RBM20: variants seen among roughly 807,000 people sequenced by gnomAD.
RBM20 encodes RNA-binding protein 20.
RBM20 carries 51 observed loss-of-function variants against 110.1 expected under a neutral mutation model. The ratio of observed to expected loss-of-function variants is 0.46; its 90% confidence interval spans 0.37 to 0.59. The LOEUF is 0.59. Among genes scored for constraint, RBM20 ranks in the 20% least tolerant of loss-of-function variants. The pLI is 0.00. For missense variants in RBM20, 1,512 were observed against 1,574.9 expected (o/e 0.96, Z 0.68); for synonymous variants, 589 against 618.2 (o/e 0.95, Z 0.70).
chr10:110,775,283 A>G (rs1415039401), intron 1 of RBM20, among the ~76,000 whole-genome samples: 1 of 152,138 alleles, frequency 6.6e-6, no homozygotes, highest in Non-Finnish European at 1.5e-5. Context: ...CGCATTCACC[A>G]CTCAGCCAGT....
At chr10:110,746,970 T>C (rs1264772856) in intron 1 of RBM20, among the ~76,000 whole-genome samples, 7 of 152,234 alleles carry the variant, frequency 4.6e-5, no homozygotes, top group African/African-American at 1.7e-4. Flanking sequence ...TGCACCATTA[T>C]AGTTGTTTGT....
chr10:110,669,261 C>G (rs1015596316), intron 1 of RBM20, among the ~76,000 whole-genome samples: 1 of 152,146 alleles, frequency 6.6e-6, no homozygotes, highest in Non-Finnish European at 1.5e-5. Context: ...GAGAGGGAAG[C>G]ACTGGGAAGG....
intron 1 of RBM20, among the ~76,000 whole-genome samples, chr10:110,646,211 G>A (rs1861865543): frequency 6.6e-6 from 1 of 152,176 alleles, no homozygotes; most frequent in Non-Finnish European, 1.5e-5. Context: ...TTACTTTTAA[G>A]TAGAAGAAAA....
At chr10:110,672,262 G>C (rs1164124596) in intron 1 of RBM20, among the ~76,000 whole-genome samples, 4 of 152,204 alleles carry the variant, frequency 2.6e-5, no homozygotes, top group Non-Finnish European at 5.9e-5. Flanking sequence ...CCTGGTGGCC[G>C]GAGAGGTCGC....
intron 1 of RBM20, among the ~76,000 whole-genome samples, chr10:110,691,175 G>A (rs1862581014): frequency 6.6e-6 from 1 of 152,188 alleles, no homozygotes; most frequent in Admixed American, 6.5e-5. Flanking sequence ...CAAGTTAGAA[G>A]GAGTGCTTTC....
chr10:110,706,950 A>G (rs1326898095), intron 1 of RBM20, among the ~76,000 whole-genome samples: 3 of 152,198 alleles, frequency 2.0e-5, no homozygotes, highest in Non-Finnish European at 2.9e-5. Flanking sequence ...ATTCTTATGC[A>G]TGACATAGCT....
At chr10:110,658,552 C>T (rs1564807666) in intron 1 of RBM20, among the ~76,000 whole-genome samples, 1 of 152,098 alleles carries the variant, frequency 6.6e-6, no homozygotes, top group Non-Finnish European at 1.5e-5. Context: ...TTTGAATTTC[C>T]TCCTCCTTGT....
intron 1 of RBM20, among the ~76,000 whole-genome samples, chr10:110,726,322 C>T (rs1352394160): frequency 2.0e-5 from 3 of 152,180 alleles, no homozygotes; most frequent in African/African-American, 7.2e-5. Context: ...ATATTTTCTC[C>T]GTACTAGAGC....
At chr10:110,726,277 A>T (rs370459211) in intron 1 of RBM20, among the ~76,000 whole-genome samples, 1 of 152,118 alleles carries the variant, frequency 6.6e-6, no homozygotes, top group Admixed American at 6.5e-5. Flanking sequence ...TGGAGATGGT[A>T]AGGTCATGAT....
intron 1 of RBM20, among the ~76,000 whole-genome samples, chr10:110,650,230 T>C (rs1861926838): frequency 1.3e-5 from 2 of 152,194 alleles, no homozygotes; most frequent in Admixed American, 6.5e-5. Flanking sequence ...ATAAACTCTT[T>C]ACCGCGGTGG....
intron 1 of RBM20, among the ~76,000 whole-genome samples, chr10:110,722,979 G>T (rs537925532): frequency 6.6e-6 from 1 of 152,124 alleles, no homozygotes; most frequent in Non-Finnish European, 1.5e-5. Context: ...GGGCGTTGTG[G>T]CATGCACCTG....
At chr10:110,744,586 T>TG (rs1206895531) in intron 1 of RBM20, among the ~76,000 whole-genome samples, 5 of 152,268 alleles carry the variant, frequency 3.3e-5, no homozygotes, top group Admixed American at 6.5e-5. Flanking sequence ...ACGGAAACTC[T>TG]GGGGGTGGAT....
At chr10:110,681,340 A>G (rs1862420996) in intron 1 of RBM20, among the ~76,000 whole-genome samples, 1 of 152,256 alleles carries the variant, frequency 6.6e-6, no homozygotes, top group Non-Finnish European at 1.5e-5. Flanking sequence ...AAGCTTTGAG[A>G]AATGGCACAA....
At chr10:110,829,498 C>T (rs749057956) in intron 12 of RBM20, among the ~76,000 whole-genome samples, 8 of 152,208 alleles carry the variant, frequency 5.3e-5, no homozygotes, top group Non-Finnish European at 1.2e-4. Context: ...AGGAGGACGC[C>T]TCAGGCCCCG....
At chr10:110,835,048 GGTT>G (rs1217579983) in intron 13 of RBM20, 1 of 152,256 alleles carries the variant, frequency 6.6e-6, no homozygotes, top group South Asian at 2.1e-4. Context: ...ACAGGAAACA[GGTT>G]GTTAAGAGTC....
At chr10:110,658,526 GCCCTC>G (rs1862058574) in intron 1 of RBM20, among the ~76,000 whole-genome samples, 1 of 152,110 alleles carries the variant, frequency 6.6e-6, no homozygotes, top group South Asian at 2.1e-4. Flanking sequence ...CAAGTTGCGT[GCCCTC>G]CTCTTTTTCG....
chr10:110,693,438 A>AT (rs1862618281), intron 1 of RBM20, among the ~76,000 whole-genome samples: 1 of 152,060 alleles, frequency 6.6e-6, no homozygotes, highest in African/African-American at 2.4e-5. Context: ...CAATCTCCTT[A>AT]TTTGTTATCG....
At chr10:110,702,479 T>A (rs1308801260) in intron 1 of RBM20, among the ~76,000 whole-genome samples, 1 of 152,180 alleles carries the variant, frequency 6.6e-6, no homozygotes, top group Non-Finnish European at 1.5e-5. Context: ...GGGGCTGTAA[T>A]GGGCTCGGAT....
intron 1 of RBM20, among the ~76,000 whole-genome samples, chr10:110,747,523 C>T (rs1028774104): frequency 2.6e-5 from 4 of 152,200 alleles, no homozygotes; most frequent in Non-Finnish European, 4.4e-5. Context: ...ATAGTCAGGG[C>T]TCTGCCCTTT....
Sources: gnomAD v4.1 joint callset for allele counts (sites outside exome capture counted in the v4.1 genomes callset) on GRCh38, gnomAD v4.1.1 for gene constraint, MANE v1.5 for transcripts, NCBI Gene and HGNC (gene_info 2026-07-23, HGNC 2026-07-21) for gene names.